The following ODAD4 variants were observed in gnomAD, a reference collection of about 807,000 sequenced individuals.
The protein encoded by ODAD4 is outer dynein arm-docking complex subunit 4.
ODAD4 carries 49 observed loss-of-function variants against 51.8 expected under a neutral mutation model. The observed-to-expected ratio is 0.95, with a 90% CI of 0.75 to 1.20. The LOEUF (loss-of-function observed/expected upper bound fraction) is 1.20, where lower values mean the gene tolerates loss of function less well. Ranked by LOEUF, ODAD4 falls within the 50% of genes most tolerant of loss-of-function variation. The probability of loss-of-function intolerance (pLI) is 0.00; values close to 1 mark genes in which losing one functional copy is unlikely to be tolerated. For missense variants in ODAD4, 590 were observed against 586.5 expected, an observed-to-expected ratio of 1.01 and a Z score of -0.06; for synonymous variants, 235 against 221.3, an observed-to-expected ratio of 1.06 and a Z score of -0.55.
At chr17:41,944,436 ACACACACACCC>A (rs1383032985) in intron 7 of ODAD4, among the ~76,000 whole-genome samples, 90 of 4,068 alleles carry the variant, frequency 0.022, 3 homozygotes, top group African/African-American at 0.042. Flanking sequence ...ACACACACAC[ACACACACACCC>A]CCCCGCATAC....
chr17:41,939,211 G>A (rs781981634), intron 7 of ODAD4, 39 bp downstream of exon 7: 2 of 1,574,552 alleles, frequency 1.3e-6, no homozygotes, highest in Non-Finnish European at 1.7e-6. Flanking sequence ...TGAGCCTACG[G>A]AGAAGGACAC....
In ODAD4 at chr17:41,965,646, T is replaced by TG. The variant is rs1423612193; in HGVS notation, c.*164dup. ...CCATTAAATAGGTGTCTTTCACTCT[T>TG]GCAAACCCTGAGTCTGTCACTTTGC... On this transcript the variant is annotated 3_prime_UTR_variant, in exon 12 of 12. Transcript: ENST00000377540. The TG allele has an allele frequency of 6.8e-6, 4 of 588,578 alleles. No individual in the cohort carries two copies. The African/African-American group carries it at 7.5e-5, about 11-fold the overall frequency. 36.5% of individuals were successfully genotyped at this position (588,578 alleles called of 1,614,324 possible). A position where few individuals can be genotyped will look rare whatever the true frequency, so the allele number is the denominator to read the frequency against.
intron 1 of ODAD4, among the ~76,000 whole-genome samples, chr17:41,931,149 C>A (rs2050329631): frequency 6.6e-6 from 1 of 152,054 alleles, no homozygotes; most frequent in Non-Finnish European, 1.5e-5. Context: ...CCCGCTTCGG[C>A]CTCCCAAAGT....
chr17:41,939,299 TCTC>T, intron 7 of ODAD4, 127 bp downstream of exon 7: 1 of 955,018 alleles, frequency 1.0e-6, no homozygotes, highest in Non-Finnish European at 1.5e-6. Flanking sequence ...TGAGGTAGAT[TCTC>T]CTGGAGGTGG....
chr17:41,965,561 G>A lies in ODAD4; in HGVS notation c.*78G>A. 1 of 673,452 alleles carries A rather than the reference G, an allele frequency of 1.5e-6. No homozygotes were observed. The highest frequency in any genetic ancestry group is 2.7e-6 in the Non-Finnish European group (1 of 376,908). 41.7% of individuals were successfully genotyped at this position (673,452 alleles called of 1,614,324 possible). A position where few individuals can be genotyped will look rare whatever the true frequency, so the allele number is the denominator to read the frequency against. On this transcript the variant is annotated 3_prime_UTR_variant, in exon 12 of 12. Transcript: ENST00000377540. Reference sequence around the variant, plus strand: ...ATTTTATTAAACTGGATTTTCAAGCGATTTGTCTGTTATAGGAAAAATGAG... The same window carrying A: ...ATTTTATTAAACTGGATTTTCAAGCAATTTGTCTGTTATAGGAAAAATGAG...
intron 9 of ODAD4, among the ~76,000 whole-genome samples, chr17:41,951,344 A>G (rs1053048800): frequency 5.3e-5 from 8 of 152,050 alleles, no homozygotes; most frequent in African/African-American, 1.9e-4. Flanking sequence ...CAGCCTCCCA[A>G]AGTGCTGGGA....
chr17:41,934,595 G>C (rs190464760), intron 1 of ODAD4, among the ~76,000 whole-genome samples: 1 of 151,568 alleles, frequency 6.6e-6, no homozygotes, highest in Non-Finnish European at 1.5e-5. Context: ...CAAGCGTTCC[G>C]CCCACCTCGA....
chr17:41,938,457 A>T, intron 5 of ODAD4, 100 bp from the exon 6 acceptor site: 1 of 909,038 alleles, frequency 1.1e-6, no homozygotes, highest in Non-Finnish European at 1.7e-6. Flanking sequence ...AAGCAGAGCA[A>T]GTTCACAGAG....
intron 11 of ODAD4, among the ~76,000 whole-genome samples, chr17:41,961,820 C>T (rs1490358983): frequency 6.6e-6 from 1 of 152,180 alleles, no homozygotes; most frequent in Admixed American, 6.5e-5. Context: ...GCAAGGCTGA[C>T]CAGTGGAGTT....
intron 1 of ODAD4, among the ~76,000 whole-genome samples, chr17:41,931,198 G>A (rs1187536810): frequency 6.6e-6 from 1 of 151,894 alleles, no homozygotes; most frequent in Non-Finnish European, 1.5e-5. Context: ...CCTGCCCCCT[G>A]CCCTCACCTT....
At chr17:41,951,466 G>A (rs992740688) in intron 9 of ODAD4, among the ~76,000 whole-genome samples, 9 of 151,128 alleles carry the variant, frequency 6.0e-5, no homozygotes, top group South Asian at 2.1e-4. Context: ...TTGAGAAGGC[G>A]TCTCACTCTG....
intron 11 of ODAD4, among the ~76,000 whole-genome samples, chr17:41,964,324 G>T (rs113401712): frequency 0.019 from 2,892 of 152,222 alleles, 53 homozygotes; most frequent in Non-Finnish European, 0.029. Context: ...GCCTCCCAAA[G>T]TGCTGGGATT....
chr17:41,955,395 G>A, intron 10 of ODAD4, 78 bp downstream of exon 10: 1 of 685,482 alleles, frequency 1.5e-6, no homozygotes, highest in South Asian at 1.5e-5. Flanking sequence ...CCCTCAGCCT[G>A]CTTGGGCGCC....
chr17:41,965,547 C>T lies in ODAD4; in HGVS notation c.*64C>T. The T allele has an allele frequency of 1.4e-6, 1 of 693,130 alleles. No homozygotes were observed. The allele number at this position is 693,130 out of a possible 1,614,324, so 42.9% of individuals were successfully genotyped here. A position where few individuals can be genotyped will look rare whatever the true frequency, so the allele number is the denominator to read the frequency against. On this transcript the variant is annotated 3_prime_UTR_variant, in exon 12 of 12. Transcript: ENST00000377540. ...AGAGGGATCATGGGATTTTATTAAACTGGATTTTCAAGCGATTTGTCTGTT... is the reference window on the plus strand; with the variant it reads ...AGAGGGATCATGGGATTTTATTAAATTGGATTTTCAAGCGATTTGTCTGTT...
intron 5 of ODAD4, 70 bp from the exon 6 acceptor site, chr17:41,938,487 G>C (rs782142723): frequency 2.1e-4 from 279 of 1,329,528 alleles, no homozygotes; most frequent in Non-Finnish European, 2.8e-4. Context: ...GCGGCCACCG[G>C]GAGGAAACAG....
intron 5 of ODAD4, 146 bp from the exon 6 acceptor site, chr17:41,938,411 A>G (rs781956108): frequency 2.6e-4 from 170 of 657,114 alleles, no homozygotes; most frequent in South Asian, 4.9e-4. Flanking sequence ...CTCTGCCACT[A>G]TGCGCACTCA....
chr17:41,950,588 C>A (rs909081183), intron 9 of ODAD4, among the ~76,000 whole-genome samples: 12 of 151,992 alleles, frequency 7.9e-5, no homozygotes, highest in Admixed American at 2.0e-4. Context: ...ACTATGTTGG[C>A]TGGTTTCAAA....
At chr17:41,932,194 C>T (rs1465901002) in intron 1 of ODAD4, among the ~76,000 whole-genome samples, 2 of 152,042 alleles carry the variant, frequency 1.3e-5, no homozygotes, top group African/African-American at 4.8e-5. Context: ...CTCAGCCTCC[C>T]GAGTAGCTGG....
At chr17:41,939,991 G>T (rs1161114175) in intron 7 of ODAD4, among the ~76,000 whole-genome samples, 2 of 152,136 alleles carry the variant, frequency 1.3e-5, no homozygotes, top group Admixed American at 6.5e-5. Flanking sequence ...ACAGTGCCTG[G>T]TATCCACAAT....
Sources: gnomAD v4.1 joint callset for allele counts (sites outside exome capture counted in the v4.1 genomes callset) on GRCh38, gnomAD v4.1.1 for gene constraint, MANE v1.5 for transcripts, NCBI Gene and HGNC (gene_info 2026-07-23, HGNC 2026-07-21) for gene names.